NUP62: variants seen among roughly 807,000 people sequenced by gnomAD.
The protein encoded by NUP62 is nucleoporin 62.
For missense variants in NUP62, 647 were observed against 689.4 expected (o/e 0.94, Z 0.69); for synonymous variants, 305 against 303.4 (o/e 1.01, Z -0.05).
Position 49,909,822 on chromosome 19 carries a change from G to A in NUP62, c.-15C>T, listed in dbSNP as rs775320216. 8 of 1,613,340 alleles carry A rather than the reference G, an allele frequency of 5.0e-6. No homozygotes were observed. In the African/African-American group the frequency reaches 8.0e-5, roughly 16 times the overall value. On this transcript the variant is annotated 5_prime_UTR_variant, in exon 3 of 3. Coordinates refer to ENST00000352066, the MANE Select transcript of NUP62 (RefSeq NM_016553.5). The stretch of plus-strand genomic sequence containing the variant: ...AACCCGCTCATGGCTCCGGACTCTG[G>A]TGGCGGCAGCTACTCTGGCTCCCAA...
chr19:49,916,499 C>T (rs1438967933), intron 2 of NUP62, among the ~76,000 whole-genome samples: 18 of 150,824 alleles, frequency 1.2e-4, no homozygotes, highest in Admixed American at 7.9e-4. Context: ...TTAGGCCAGG[C>T]GCGGTGGCTC....
At chr19:49,925,350 G>C (rs543959690) in intron 2 of NUP62, among the ~76,000 whole-genome samples, 1 of 151,826 alleles carries the variant, frequency 6.6e-6, no homozygotes, top group South Asian at 2.1e-4. Context: ...CACTTTGGGA[G>C]GGTGAGGCAG....
intron 2 of NUP62, among the ~76,000 whole-genome samples, chr19:49,926,228 A>AAG (rs1220318767): frequency 6.7e-6 from 1 of 149,854 alleles, no homozygotes; most frequent in Admixed American, 6.6e-5. Context: ...AAAAAAAAAA[A>AAG]AAGCTAGGTC....
rs1242195530 is a variant in NUP62 at position 49,921,434 on chromosome 19, CT to C, written c.-78+6259del. 1.3e-5 allele frequency among the ~76,000 whole-genome samples: 2 copies of C among 152,168 alleles called. No individual in the cohort carries two copies. The highest frequency in any genetic ancestry group is 2.9e-5 in the Non-Finnish European group (2 of 68,022). On this transcript the variant is annotated intron_variant, in intron 2 of 2. Transcript: ENST00000352066. The surrounding 1 kb of genome is among the most constrained non-coding windows in gnomAD (Gnocchi z 5.4). The stretch of plus-strand genomic sequence containing the variant: ...AGACTTCCTGGGCCATCTCCATGAC[CT>C]TCCAGACCAGCCTGGGCTTCACTCT...
chr19:49,920,965 A>C (rs534102167), intron 2 of NUP62, among the ~76,000 whole-genome samples: 167 of 152,176 alleles, frequency 1.1e-3, no homozygotes, highest in African/African-American at 3.8e-3. Context: ...TGTGGTGGAG[A>C]CGGTTGCTAT....
intron 2 of NUP62, among the ~76,000 whole-genome samples, chr19:49,910,438 A>G (rs1302379569): frequency 6.6e-6 from 1 of 152,068 alleles, no homozygotes; most frequent in Non-Finnish European, 1.5e-5. Context: ...GCAGGAGAGG[A>G]CACTGGAACT....
intron 2 of NUP62, among the ~76,000 whole-genome samples, chr19:49,914,314 G>T (rs564100578): frequency 1.8e-4 from 27 of 152,290 alleles, no homozygotes; most frequent in Non-Finnish European, 4.0e-4. Flanking sequence ...AAGCAGGGAG[G>T]AACCCAAACT....
At chr19:49,929,175 A>G (rs1270564526) in intron 1 of NUP62, 151 bp downstream of exon 1, 1 of 140,656 alleles carries the variant, frequency 7.1e-6, no homozygotes, top group Non-Finnish European at 1.5e-5. Flanking sequence ...CACCCAGTAT[A>G]TATCTGTCCC....
chr19:49,908,491 G>C lies in NUP62; in HGVS notation c.1317C>G (p.Asn439Lys). Reference sequence around the variant, plus strand: ...CCATGCGCTTGAGCTGTGCATCGATGTTCTCAGCCAGCTTGTAGGTTTTCT... The same window carrying C: ...CCATGCGCTTGAGCTGTGCATCGATCTTCTCAGCCAGCTTGTAGGTTTTCT... ...EREKTYKLAE[N>K]IDAQLKRMAQ... The change falls in exon 3 of 3, where the codon AAC (asparagine) becomes AAG (lysine). Residue 439 changes from asparagine (N) to lysine (K), a missense_variant. Asn to Lys is a moderately conservative substitution (Grantham distance 94). Coordinates refer to ENST00000352066, the MANE Select transcript of NUP62 (RefSeq NM_016553.5). 1 of 1,614,162 alleles carries C rather than the reference G, an allele frequency of 6.2e-7. No homozygotes were observed. Among genetic ancestry groups the C allele is most frequent in the Non-Finnish European group, 8.5e-7 (1 of 1,180,046 alleles).
chr19:49,908,957 C>T lies in NUP62; in HGVS notation c.851G>A (p.Ser284Asn). ...AATATATTTS[S>N]SSTTGFALNL... ...CAAGGCAAAGCCGGTGGTGCTGCTG[C>T]TGCTGGTGGTGGTGGCGGTGGCGGT... Residue 284 changes from serine (S) to asparagine (N), a missense_variant, in exon 3 of 3, where the codon AGC becomes AAC. By Grantham distance (46) the Ser-to-Asn change is conservative. Transcript: ENST00000352066. 6.2e-7 allele frequency: 1 copy of T among 1,609,454 alleles called. No homozygotes were observed. Among genetic ancestry groups the T allele is most frequent in the Non-Finnish European group, 8.5e-7 (1 of 1,177,628 alleles).
At chr19:49,918,637 G>A (rs2075684087) in intron 2 of NUP62, 1 of 151,916 alleles carries the variant, frequency 6.6e-6, no homozygotes, top group Non-Finnish European at 1.5e-5. Flanking sequence ...TGGAGACAAA[G>A]GAACAGGGTG....
intron 2 of NUP62, among the ~76,000 whole-genome samples, chr19:49,917,042 G>T (rs1456119606): frequency 5.9e-5 from 9 of 152,272 alleles, no homozygotes; most frequent in Non-Finnish European, 1.0e-4. Flanking sequence ...GTGCGGAGCT[G>T]TCTCCGTGGG....
intron 2 of NUP62, among the ~76,000 whole-genome samples, chr19:49,919,115 T>C (rs1343610126): frequency 6.6e-6 from 1 of 152,258 alleles, no homozygotes; most frequent in East Asian, 1.9e-4. Context: ...ATCACACCAC[T>C]GCACTCCAGC....
At chr19:49,914,443 C>T (rs1290334376) in intron 2 of NUP62, among the ~76,000 whole-genome samples, 1 of 152,212 alleles carries the variant, frequency 6.6e-6, no homozygotes, top group African/African-American at 2.4e-5. Flanking sequence ...AGAAGCGCTG[C>T]CTTGAGGTCA....
At position 49,909,119 on chromosome 19, in the gene NUP62, G is replaced by T; in HGVS notation, c.689C>A (p.Thr230Asn). The T allele has an allele frequency of 6.2e-7, 1 of 1,612,516 alleles. No homozygotes were observed. The stretch of plus-strand genomic sequence containing the variant: ...GGAGAGTCCAGTGGTGGCAGATGAG[G>T]TTGGAGCAGTTGCTATTGACGCAAA... ...SLFASIATAP[T>N]SSATTGLSLC... is the part of the protein sequence containing the mutation. Residue 230 changes from threonine to asparagine, a missense_variant, in exon 3 of 3, where the codon ACC becomes AAC. Transcript: ENST00000352066.
rs2075361837 is a variant in NUP62 at position 49,908,009 on chromosome 19, CA to C, written c.*229del. 1.6e-5 allele frequency: 14 copies of C among 875,658 alleles called. No homozygotes were observed. The South Asian group carries it at 2.6e-4, about 16-fold the overall frequency. The allele number at this position is 875,658 out of a possible 1,614,324, so 54.2% of individuals were successfully genotyped here. ...TAGGTGAAAAGGGGCCAAAGATACT[CA>C]AATGAAAGCCACAGAAGCCACACCC... On this transcript the variant is annotated 3_prime_UTR_variant, in exon 3 of 3. Transcript: ENST00000352066.
Position 49,908,317 on chromosome 19 carries a change from C to T in NUP62, c.1491G>A (p.Arg497=). Residue 497 remains arginine, a synonymous_variant, in exon 3 of 3, where the codon AGG becomes AGA. Coordinates refer to ENST00000352066, the MANE Select transcript of NUP62 (RefSeq NM_016553.5). ...WIDQNSALLQ[R]KVEEVTKVCE... ...ACACCTTGGTCACCTCCTCCACCTT[C>T]CTCTGCAGCAGGGCCGAGTTCTGGT... The T allele has an allele frequency of 6.2e-7, 1 of 1,614,140 alleles. No individual in the cohort carries two copies. Among genetic ancestry groups the T allele is most frequent in the Non-Finnish European group, 8.5e-7 (1 of 1,180,022 alleles).
intron 2 of NUP62, chr19:49,913,252 G>GT (rs891394624): frequency 1.3e-5 from 2 of 152,364 alleles, no homozygotes; most frequent in African/African-American, 4.8e-5. Context: ...GTGTGAAGGA[G>GT]TGACTTGGCA....
chr19:49,924,650 G>A (rs2075842007), intron 2 of NUP62, among the ~76,000 whole-genome samples: 1 of 152,208 alleles, frequency 6.6e-6, no homozygotes, highest in African/African-American at 2.4e-5. Context: ...CACAGGCCTG[G>A]GTCAGGAATG....
Sources: allele counts gnomAD v4.1 joint callset (sites outside exome capture counted in the v4.1 genomes callset), GRCh38; gene constraint gnomAD v4.1.1; non-coding constraint Gnocchi (gnomAD v3.1); transcripts MANE v1.5; gene names NCBI Gene and HGNC (gene_info 2026-07-23, HGNC 2026-07-21).